GPHN: variants seen among roughly 807,000 people sequenced by gnomAD.
GPHN encodes the protein gephyrin.
In GPHN, 17 loss-of-function variants were observed where a neutral mutation model predicts 95.5. The ratio of observed to expected loss-of-function variants is 0.18; its 90% CI spans 0.12 to 0.27. The LOEUF (loss-of-function observed/expected upper bound fraction) is 0.27, where lower values mean the gene tolerates loss of function less well. Ranked by LOEUF, GPHN falls within the 10% of genes least tolerant of loss-of-function variation. The pLI is 1.00. For missense variants in GPHN, 660 were observed against 978.1 expected (o/e 0.67, Z 4.34); for synonymous variants, 320 against 322.5 (o/e 0.99, Z 0.08).
chr14:67,267,163 A>G, the GPHN span, among the ~76,000 whole-genome samples: 28 of 152,300 alleles, frequency 1.8e-4, no homozygotes, highest in African/African-American at 6.5e-4. Flanking sequence ...TATAATTTAC[A>G]TGCAACAAGA....
chr14:67,695,568 C>T, the GPHN span: 1 of 1,518,562 alleles, frequency 6.6e-7, no homozygotes, highest in South Asian at 1.2e-5. Context: ...GGTGGGGATT[C>T]TATGTTTCCC....
chr14:66,951,632 C>A (rs1242955927), intron 8 of GPHN, among the ~76,000 whole-genome samples: 3 of 151,442 alleles, frequency 2.0e-5, no homozygotes, highest in African/African-American at 7.3e-5. Flanking sequence ...AGAAAAAGAT[C>A]AAAGTGGGAA....
At chr14:66,524,956 C>G (rs1308812843) in intron 1 of GPHN, among the ~76,000 whole-genome samples, 1 of 152,098 alleles carries the variant, frequency 6.6e-6, no homozygotes, top group Non-Finnish European at 1.5e-5. Context: ...CCGCAGTAAA[C>G]ATACCTGTGC....
intron 3 of GPHN, among the ~76,000 whole-genome samples, chr14:66,797,692 C>G (rs1430438098): frequency 6.6e-6 from 1 of 151,800 alleles, no homozygotes; most frequent in African/African-American, 2.4e-5. Flanking sequence ...CCTGTAACTT[C>G]ACTGAATTTA....
chr14:66,518,011 A>G (rs1460202237), intron 1 of GPHN, among the ~76,000 whole-genome samples: 1 of 152,052 alleles, frequency 6.6e-6, no homozygotes, highest in Non-Finnish European at 1.5e-5. Context: ...CAGCCTATAG[A>G]ATGGGAGAAA....
intron 18 of GPHN, among the ~76,000 whole-genome samples, chr14:67,154,682 T>C (rs1043916178): frequency 1.3e-5 from 2 of 152,062 alleles, no homozygotes; most frequent in African/African-American, 4.8e-5. Flanking sequence ...AAAGGATACA[T>C]ATCAGCTATC....
At chr14:66,691,180 AT>A (rs1193156547) in intron 2 of GPHN, among the ~76,000 whole-genome samples, 4 of 151,666 alleles carry the variant, frequency 2.6e-5, no homozygotes, top group Admixed American at 1.3e-4. Flanking sequence ...TGTCTCTACA[AT>A]TTTTATTTTT....
Position 67,169,280 on chromosome 14 carries a change from G to A in GPHN, c.2079+244G>A, listed in dbSNP as rs115991945. The stretch of plus-strand genomic sequence containing the variant: ...GTCCATATACGAGTCCAGAGAGCAC[G>A]GCTTAAAAACTTGAGTGATACTTAA... On this transcript the variant is annotated intron_variant, in intron 21 of 22. Coordinates refer to ENST00000478722, the MANE Select transcript of GPHN (RefSeq NM_020806.5). The A allele has an allele frequency of 2.6e-3, 1,429 of 558,028 alleles. 6 individuals are homozygous for A. Among genetic ancestry groups the A allele is most frequent in the African/African-American group, 0.024 (1,293 of 53,080 alleles). The allele number at this position is 558,028 out of a possible 1,614,324, so 34.6% of individuals were successfully genotyped here.
chr14:66,584,182 CTGTT>C (rs1343178908), intron 1 of GPHN, among the ~76,000 whole-genome samples: 5 of 152,154 alleles, frequency 3.3e-5, no homozygotes, highest in East Asian at 3.9e-4. Flanking sequence ...ATTTGGCTCT[CTGTT>C]TGTCTGTTAT....
intron 1 of GPHN, among the ~76,000 whole-genome samples, chr14:66,561,627 T>A (rs958711591): frequency 1.3e-4 from 20 of 152,280 alleles, no homozygotes; most frequent in African/African-American, 4.8e-4. Context: ...ATATAGTTTA[T>A]CTTATATCTA....
At chr14:66,985,619 G>A in intron 9 of GPHN, 1 of 1,087,294 alleles carries the variant, frequency 9.2e-7, no homozygotes, top group Non-Finnish European at 1.3e-6. Flanking sequence ...CTAATGTATA[G>A]AAAAATTTTT....
At chr14:67,552,663 A>C in the GPHN span, among the ~76,000 whole-genome samples, 4 of 151,786 alleles carry the variant, frequency 2.6e-5, no homozygotes, top group Admixed American at 1.3e-4. Flanking sequence ...GCTACTCGGG[A>C]GGCTAAGGCA....
chr14:67,436,800 C>G, the GPHN span, among the ~76,000 whole-genome samples: 3,068 of 152,258 alleles, frequency 0.02, 184 homozygotes, highest in East Asian at 0.13. Context: ...TCACGCTTGT[C>G]ATCCCAGCAC....
chr14:66,710,459 CACAT>C (rs2069511834), intron 2 of GPHN, among the ~76,000 whole-genome samples: 1 of 152,118 alleles, frequency 6.6e-6, no homozygotes, highest in Non-Finnish European at 1.5e-5. Flanking sequence ...TGTCTTTTTT[CACAT>C]ACATGTGAAT....
At chr14:67,069,211 G>C (rs540622539) in intron 11 of GPHN, among the ~76,000 whole-genome samples, 2 of 152,262 alleles carry the variant, frequency 1.3e-5, no homozygotes, top group East Asian at 3.9e-4. Context: ...AGATAATATT[G>C]TGTAAATAAT....
chr14:66,761,018 A>T, intron 2 of GPHN: 1 of 566,230 alleles, frequency 1.8e-6, no homozygotes, highest in Non-Finnish European at 3.5e-6. Context: ...ATGCTTCTTA[A>T]AAATCTCTGT....
intron 10 of GPHN, among the ~76,000 whole-genome samples, chr14:67,039,102 C>G (rs1236134615): frequency 6.6e-6 from 1 of 152,166 alleles, no homozygotes; most frequent in African/African-American, 2.4e-5. Flanking sequence ...GAATAGTTCT[C>G]CATTTTCCAT....
chr14:66,884,326 G>A (rs1236354400), intron 5 of GPHN, among the ~76,000 whole-genome samples: 1 of 151,980 alleles, frequency 6.6e-6, no homozygotes, highest in Admixed American at 6.6e-5. Flanking sequence ...ACGTCATCAG[G>A]TAATCACTGT....
the GPHN span, among the ~76,000 whole-genome samples, chr14:67,350,265 C>T: frequency 2.0e-5 from 3 of 151,340 alleles, no homozygotes; most frequent in African/African-American, 7.3e-5. Flanking sequence ...CCTAATATTC[C>T]AAAAAACTGA....
Sources: gnomAD v4.1 joint callset for allele counts (sites outside exome capture counted in the v4.1 genomes callset) on GRCh38, gnomAD v4.1.1 for gene constraint, MANE v1.5 for transcripts, NCBI Gene and HGNC (gene_info 2026-07-23, HGNC 2026-07-21) for gene names.